The following CNTN5 variants were observed in gnomAD, a reference collection of about 807,000 sequenced individuals.
CNTN5 encodes contactin-5.
CNTN5 carries 77 observed loss-of-function variants against 129.1 expected under a neutral mutation model. The ratio of observed to expected loss-of-function variants is 0.60; its 90% CI spans 0.50 to 0.72. The LOEUF (loss-of-function observed/expected upper bound fraction) is 0.72. Among genes scored for constraint, CNTN5 ranks in the 30% least tolerant of loss-of-function variants. The pLI is 0.00. For missense variants in CNTN5, 1,478 were observed against 1,328.8 expected (o/e 1.11, Z -1.75); for synonymous variants, 509 against 465.6 (o/e 1.09, Z -1.20).
chr11:100,336,991 T>C lies in CNTN5; in HGVS notation c.2731-3472T>C, dbSNP rs531679115. The stretch of plus-strand genomic sequence containing the variant: ...AAATCAAGAGCCAGAGCACAGCACA[T>C]TGAACCCACACACATCTCAGCTGCT... On this transcript the variant is annotated intron_variant, in intron 21 of 24. Transcript: ENST00000524871. The C allele has an allele frequency of 1.0e-3, 795 of 779,994 alleles. 7 individuals are homozygous for C. The South Asian group carries it at 0.011, about 10-fold the overall frequency. 48.3% of individuals were successfully genotyped at this position (779,994 alleles called of 1,614,324 possible).
chr11:99,263,047 A>G (rs551890588), intron 1 of CNTN5, among the ~76,000 whole-genome samples: 18 of 152,202 alleles, frequency 1.2e-4, no homozygotes, highest in African/African-American at 4.3e-4. Context: ...TATGATCCCT[A>G]AGTGTAAAGA....
chr11:99,376,588 A>C (rs1565532508), intron 2 of CNTN5, among the ~76,000 whole-genome samples: 1 of 152,178 alleles, frequency 6.6e-6, no homozygotes, highest in Non-Finnish European at 1.5e-5. Context: ...TCCTTGACCC[A>C]CTTTATCAGG....
At chr11:99,349,012 G>A (rs1938104150) in intron 2 of CNTN5, among the ~76,000 whole-genome samples, 1 of 152,126 alleles carries the variant, frequency 6.6e-6, no homozygotes, top group South Asian at 2.1e-4. Flanking sequence ...TATTCTAGTG[G>A]GTGATTTCAA....
intron 6 of CNTN5, among the ~76,000 whole-genome samples, chr11:99,850,011 AC>A (rs903726475): frequency 6.8e-4 from 104 of 152,106 alleles, no homozygotes; most frequent in Non-Finnish European, 8.4e-4. Context: ...CACCTATGTA[AC>A]AAAAATTAAT....
intron 16 of CNTN5, among the ~76,000 whole-genome samples, chr11:100,249,783 CA>C (rs1362113875): frequency 6.6e-6 from 1 of 152,128 alleles, no homozygotes; most frequent in African/African-American, 2.4e-5. Context: ...GAATCATTAA[CA>C]GGCCTTAAAA....
intron 6 of CNTN5, among the ~76,000 whole-genome samples, chr11:99,858,407 A>G (rs536021866): frequency 2.0e-5 from 3 of 152,232 alleles, no homozygotes; most frequent in African/African-American, 2.4e-5. Context: ...AAAAAATTGT[A>G]TAATGTCTGG....
At chr11:100,238,215 A>C (rs1223466936) in intron 16 of CNTN5, among the ~76,000 whole-genome samples, 2 of 152,106 alleles carry the variant, frequency 1.3e-5, no homozygotes, top group Non-Finnish European at 2.9e-5. Context: ...TTACTTAGTA[A>C]ATATTAGTTG....
chr11:100,194,443 TG>T (rs1238304287), intron 15 of CNTN5, among the ~76,000 whole-genome samples: 1 of 151,990 alleles, frequency 6.6e-6, no homozygotes, highest in African/African-American at 2.4e-5. Flanking sequence ...ATACAATTTT[TG>T]CCTACAAATT....
chr11:99,218,106 T>C (rs760871197), intron 1 of CNTN5, among the ~76,000 whole-genome samples: 4 of 152,138 alleles, frequency 2.6e-5, no homozygotes. Context: ...AGATCAATGA[T>C]CCTTCCTTTG....
At chr11:99,442,714 G>A (rs1280871409) in intron 2 of CNTN5, among the ~76,000 whole-genome samples, 1 of 152,190 alleles carries the variant, frequency 6.6e-6, no homozygotes, top group East Asian at 1.9e-4. Context: ...CCATGCTTTA[G>A]TTTCTTTCCC....
intron 1 of CNTN5, among the ~76,000 whole-genome samples, chr11:99,220,720 G>T (rs992785981): frequency 6.6e-6 from 1 of 151,862 alleles, no homozygotes; most frequent in African/African-American, 2.4e-5. Flanking sequence ...AAATCAAAAG[G>T]TCTGACTAGG....
At chr11:99,662,158 A>C (rs1039670783) in intron 3 of CNTN5, among the ~76,000 whole-genome samples, 16 of 152,176 alleles carry the variant, frequency 1.1e-4, no homozygotes, top group Non-Finnish European at 7.4e-5. Flanking sequence ...CTATATACTT[A>C]AAAGTGTTTA....
chr11:100,138,947 A>G (rs139780820), intron 13 of CNTN5, among the ~76,000 whole-genome samples: 97 of 152,256 alleles, frequency 6.4e-4, no homozygotes, highest in African/African-American at 1.6e-3. Flanking sequence ...GAAGGTAGAA[A>G]TGACAGGATT....
At chr11:100,247,820 A>G (rs1770604830) in intron 16 of CNTN5, among the ~76,000 whole-genome samples, 1 of 152,052 alleles carries the variant, frequency 6.6e-6, no homozygotes, top group Non-Finnish European at 1.5e-5. Flanking sequence ...GACTATTTCT[A>G]CATATCCTTT....
intron 4 of CNTN5, among the ~76,000 whole-genome samples, chr11:99,833,423 A>G (rs1399836591): frequency 1.3e-5 from 2 of 152,130 alleles, no homozygotes; most frequent in African/African-American, 2.4e-5. Context: ...CATACAACCA[A>G]TCTGTTTCTT....
chr11:99,944,282 C>G (rs887296225), intron 7 of CNTN5, among the ~76,000 whole-genome samples: 2 of 152,004 alleles, frequency 1.3e-5, no homozygotes, highest in Non-Finnish European at 2.9e-5. Context: ...GAAGCAAGAG[C>G]AAACAAATTC....
chr11:99,804,921 T>G (rs1462326181), intron 3 of CNTN5, among the ~76,000 whole-genome samples: 2 of 151,716 alleles, frequency 1.3e-5, no homozygotes, highest in East Asian at 3.9e-4. Flanking sequence ...TATTCAGTGC[T>G]TCATGATGGA....
At chr11:99,755,725 T>C (rs1288876892) in intron 3 of CNTN5, among the ~76,000 whole-genome samples, 1 of 152,138 alleles carries the variant, frequency 6.6e-6, no homozygotes, top group Non-Finnish European at 1.5e-5. Context: ...GGTTGTGTTA[T>C]AGTATCTGTA....
At chr11:99,211,921 C>G (rs1207301381) in intron 1 of CNTN5, among the ~76,000 whole-genome samples, 2 of 152,012 alleles carry the variant, frequency 1.3e-5, no homozygotes, top group Non-Finnish European at 2.9e-5. Flanking sequence ...TAAAAGCTTT[C>G]AGTGATAATT....
Sources: allele counts gnomAD v4.1 joint callset (sites outside exome capture counted in the v4.1 genomes callset), GRCh38; gene constraint gnomAD v4.1.1; transcripts MANE v1.5; gene names NCBI Gene and HGNC (gene_info 2026-07-23, HGNC 2026-07-21).